DPF3: variants seen among roughly 807,000 people sequenced by gnomAD.
The protein encoded by DPF3 is double PHD fingers 3.
Under a neutral mutation model 56.8 loss-of-function variants are expected in DPF3, and 18 were observed. The ratio of observed to expected loss-of-function variants is 0.32; its 90% CI spans 0.22 to 0.47. The LOEUF is 0.47. DPF3 is among the 20% of genes least tolerant of loss of function. DPF3 has a pLI of 1.00. For missense variants in DPF3, 403 were observed against 488.8 expected, an observed-to-expected ratio of 0.82 and a Z score of 1.65; for synonymous variants, 188 against 180.2, an observed-to-expected ratio of 1.04 and a Z score of -0.35.
At chr14:72,633,670 C>T (rs774147061) in intron 8 of DPF3, among the ~76,000 whole-genome samples, 15 of 152,096 alleles carry the variant, frequency 9.9e-5, no homozygotes, top group Non-Finnish European at 1.9e-4. Context: ...AAAAGCTACC[C>T]TACTAATAAT....
chr14:72,774,717 A>C (rs1258380931), intron 1 of DPF3, among the ~76,000 whole-genome samples: 3 of 152,206 alleles, frequency 2.0e-5, no homozygotes, highest in African/African-American at 7.2e-5. Context: ...TACGCTCAGA[A>C]AGTGTCCTGG....
chr14:72,694,444 C>T (rs1233616467), intron 6 of DPF3, among the ~76,000 whole-genome samples: 1 of 152,184 alleles, frequency 6.6e-6, no homozygotes, highest in East Asian at 1.9e-4. Context: ...TAGCATCAGG[C>T]CTGGGTTCAA....
rs747320389 is a variant in DPF3 at position 72,784,146 on chromosome 14, C to T, written c.33-12253G>A. 5.3e-5 allele frequency among the ~76,000 whole-genome samples: 8 copies of T among 152,224 alleles called. No homozygotes were observed. The East Asian group carries it at 5.8e-4, about 11-fold the overall frequency. ...AAGAAGCACTGAGTCTCATTTCACCCGCCGCAAAGTTGAGAGTCACCCCAA... is the reference window on the plus strand; with the variant it reads ...AAGAAGCACTGAGTCTCATTTCACCTGCCGCAAAGTTGAGAGTCACCCCAA... On this transcript the variant is annotated intron_variant, in intron 1 of 10. Transcript: ENST00000556509.
rs1555503984 is a variant in DPF3, at chr14:72,756,865, A to AAGG, written c.194-3495_194-3494insCCT. On this transcript the variant is annotated intron_variant, in intron 2 of 10. Transcript: ENST00000556509. Reference sequence around the variant, plus strand: ...GAAAGAAAGAAAGAAAGAAAGAAAGAAAGAAAGGAAGGAAAGAAGGAAAGA... The same window carrying AAGG: ...GAAAGAAAGAAAGAAAGAAAGAAAGAAGGAAGAAAGGAAGGAAAGAAGGAAAGA... 4.3e-3 allele frequency among the ~76,000 whole-genome samples: 452 copies of AAGG among 105,148 alleles called. 9 individuals are homozygous for AAGG. The highest frequency in any genetic ancestry group is 0.017 in the African/African-American group (429 of 24,860). 69.0% of individuals were successfully genotyped at this position (105,148 alleles called of 152,430 possible).
At chr14:72,675,433 A>G (rs1252086679) in intron 7 of DPF3, 1 of 152,272 alleles carries the variant, frequency 6.6e-6, no homozygotes, top group African/African-American at 2.4e-5. Context: ...CCACCCAAGT[A>G]TCTTCCTCCT....
Position 72,894,098 on chromosome 14 carries a change from A to C in DPF3, c.-10T>G. The C allele has an allele frequency of 6.7e-7, 1 of 1,489,502 alleles. No homozygotes were observed. Among genetic ancestry groups the C allele is most frequent in the South Asian group, 1.2e-5 (1 of 85,800 alleles). 92.3% of individuals were successfully genotyped at this position (1,489,502 alleles called of 1,614,324 possible). On this transcript the variant is annotated 5_prime_UTR_variant, in exon 1 of 11. Coordinates refer to ENST00000556509, the MANE Select transcript of DPF3 (RefSeq NM_001280542.3). ...GAATGACAGTCGCCATTTTGCTACA[A>C]TGTAACAGAATATTGTCTCAGAGTT...
intron 1 of DPF3, among the ~76,000 whole-genome samples, chr14:72,867,528 CTG>C (rs1157570185): frequency 6.6e-6 from 1 of 152,184 alleles, no homozygotes; most frequent in Admixed American, 6.5e-5. Flanking sequence ...TTGGGGTACT[CTG>C]AAAGCTTCTC....
intron 1 of DPF3, among the ~76,000 whole-genome samples, chr14:72,857,867 G>A (rs193061489): frequency 2.9e-4 from 44 of 152,182 alleles, no homozygotes; most frequent in Non-Finnish European, 4.3e-4. Flanking sequence ...GATTACAGGC[G>A]TGAGCCACCA....
intron 1 of DPF3, among the ~76,000 whole-genome samples, chr14:72,823,203 T>C (rs1376840147): frequency 2.6e-5 from 4 of 152,184 alleles, no homozygotes; most frequent in Non-Finnish European, 5.9e-5. Flanking sequence ...CTGGTCTAAA[T>C]CTGCTCACCC....
intron 1 of DPF3, among the ~76,000 whole-genome samples, chr14:72,838,204 C>T (rs1350637791): frequency 6.6e-6 from 1 of 152,174 alleles, no homozygotes; most frequent in African/African-American, 2.4e-5. Flanking sequence ...TGTTAAAACA[C>T]AGCACCAGGC....
chr14:72,781,923 T>C (rs1034062597), intron 1 of DPF3, among the ~76,000 whole-genome samples: 1 of 152,186 alleles, frequency 6.6e-6, no homozygotes, highest in African/African-American at 2.4e-5. Flanking sequence ...AAAACATGCA[T>C]CCGTCACAGA....
chr14:72,755,698 C>T (rs770385696), intron 2 of DPF3, among the ~76,000 whole-genome samples: 1 of 152,180 alleles, frequency 6.6e-6, no homozygotes, highest in Non-Finnish European at 1.5e-5. Context: ...AGACCCCCTG[C>T]CCCATCCACC....
At chr14:72,795,011 C>G (rs1214373132) in intron 1 of DPF3, among the ~76,000 whole-genome samples, 1 of 152,084 alleles carries the variant, frequency 6.6e-6, no homozygotes, top group African/African-American at 2.4e-5. Flanking sequence ...GACTCACCCA[C>G]ATAAGCCAGG....
intron 8 of DPF3, among the ~76,000 whole-genome samples, chr14:72,673,128 C>G (rs1599344823): frequency 6.6e-6 from 1 of 152,148 alleles, no homozygotes; most frequent in Non-Finnish European, 1.5e-5. Flanking sequence ...ATTTGCTACT[C>G]AAGCCAGCCT....
intron 7 of DPF3, among the ~76,000 whole-genome samples, chr14:72,688,783 A>G (rs1039625049): frequency 1.3e-5 from 2 of 152,290 alleles, no homozygotes; most frequent in South Asian, 4.1e-4. Context: ...AAGGTGGTAA[A>G]AGAAATGGAG....
chr14:72,841,816 C>T (rs944636805), intron 1 of DPF3, among the ~76,000 whole-genome samples: 1 of 152,136 alleles, frequency 6.6e-6, no homozygotes, highest in Non-Finnish European at 1.5e-5. Context: ...GGCACAGTGG[C>T]TTATGCCTAT....
intron 7 of DPF3, among the ~76,000 whole-genome samples, chr14:72,689,736 A>T (rs1303881648): frequency 6.6e-6 from 1 of 152,162 alleles, no homozygotes; most frequent in African/African-American, 2.4e-5. Context: ...GGCGGCGAGC[A>T]AGTCAGCGGC....
intron 4 of DPF3, among the ~76,000 whole-genome samples, chr14:72,724,680 C>T (rs1403516947): frequency 2.7e-5 from 4 of 150,166 alleles, no homozygotes; most frequent in Non-Finnish European, 5.9e-5. Context: ...CACTGGGCTC[C>T]ATGTCAGGGG....
At chr14:72,738,992 A>T (rs1322643402) in intron 3 of DPF3, among the ~76,000 whole-genome samples, 1 of 152,144 alleles carries the variant, frequency 6.6e-6, no homozygotes, top group Non-Finnish European at 1.5e-5. Flanking sequence ...TATAATCCCA[A>T]TATTTTGGGA....
Sources: allele counts gnomAD v4.1 joint callset (sites outside exome capture counted in the v4.1 genomes callset), GRCh38; gene constraint gnomAD v4.1.1; transcripts MANE v1.5; gene names NCBI Gene and HGNC (gene_info 2026-07-23, HGNC 2026-07-21).